The following PRKCA variants were observed in gnomAD, a reference collection of about 807,000 sequenced individuals.
The protein encoded by PRKCA is protein kinase C alpha, also known as protein kinase C alpha type.
A neutral mutation model predicts 87.0 loss-of-function variants in PRKCA; 27 were observed. The ratio of observed to expected loss-of-function variants is 0.31; its 90% CI spans 0.23 to 0.43. The LOEUF (loss-of-function observed/expected upper bound fraction) is 0.43, where lower values mean the gene tolerates loss of function less well. Among genes scored for constraint, PRKCA ranks in the 20% least tolerant of loss-of-function variants. The pLI is 1.00. For synonymous variants in PRKCA, 329 were observed against 311.1 expected, an observed-to-expected ratio of 1.06 and a Z score of -0.61; for missense variants, 518 against 852.3, an observed-to-expected ratio of 0.61 and a Z score of 4.88.
intron 8 of PRKCA, among the ~76,000 whole-genome samples, chr17:66,711,663 G>A (rs1018385879): frequency 1.3e-5 from 2 of 152,182 alleles, no homozygotes; most frequent in South Asian, 4.2e-4. Flanking sequence ...TTTTATGTTC[G>A]CATTAGATCA....
chr17:66,743,717 A>G (rs976543375), intron 13 of PRKCA, among the ~76,000 whole-genome samples: 23 of 152,194 alleles, frequency 1.5e-4, no homozygotes, highest in African/African-American at 5.3e-4. Flanking sequence ...GTGGAGACCA[A>G]TGGATCCAAA....
At chr17:66,471,266 T>C (rs1420764590) in intron 2 of PRKCA, among the ~76,000 whole-genome samples, 1 of 152,256 alleles carries the variant, frequency 6.6e-6, no homozygotes, top group Non-Finnish European at 1.5e-5. Flanking sequence ...TACTCTTGCA[T>C]ATCAAATATA....
At chr17:66,529,131 T>G (rs1275892095) in intron 3 of PRKCA, among the ~76,000 whole-genome samples, 1 of 152,230 alleles carries the variant, frequency 6.6e-6, no homozygotes, top group Non-Finnish European at 1.5e-5. Context: ...TTGGTGTCCT[T>G]GTAGTTAAGG....
chr17:66,461,205 CAAAAAAAAAAAAAA>C (rs34496253), intron 2 of PRKCA, among the ~76,000 whole-genome samples: 1 of 93,032 alleles, frequency 1.1e-5, no homozygotes, highest in Non-Finnish European at 2.3e-5. Context: ...GACCCCATCT[CAAAAAAAAAAAAAA>C]AAAAGAAAAG....
intron 2 of PRKCA, among the ~76,000 whole-genome samples, chr17:66,386,785 C>A (rs575630585): frequency 1.4e-5 from 2 of 147,046 alleles, no homozygotes; most frequent in South Asian, 4.4e-4. Context: ...AAACTTTTAA[C>A]CTCTAAAAGC....
At chr17:66,559,617 G>A (rs1454496848) in intron 3 of PRKCA, among the ~76,000 whole-genome samples, 1 of 150,470 alleles carries the variant, frequency 6.6e-6, no homozygotes, top group African/African-American at 2.5e-5. Context: ...TGTCCAATAA[G>A]GCAAATTTTT....
Position 66,649,139 on chromosome 17 carries a change from A to G in PRKCA, c.529+3628A>G, listed in dbSNP as rs533400548. ...AAAGAAAGAAAAAATAGGTACCCGC[A>G]TTAGTTACTAGGAATTTTTTTAAAG... On this transcript the variant is annotated intron_variant, in intron 5 of 16. Coordinates refer to ENST00000413366, the MANE Select transcript of PRKCA (RefSeq NM_002737.3). Among the ~76,000 whole-genome samples, 106 of 151,970 alleles carry G rather than the reference A, an allele frequency of 7.0e-4. 1 individual carries two copies. Among genetic ancestry groups the G allele is most frequent in the South Asian group, 2.1e-4 (1 of 4,814 alleles).
chr17:66,429,093 G>T (rs1033936519), intron 2 of PRKCA, among the ~76,000 whole-genome samples: 1 of 151,946 alleles, frequency 6.6e-6, no homozygotes, highest in Non-Finnish European at 1.5e-5. Flanking sequence ...ACGCTCTTCC[G>T]CCAGATCCAA....
At chr17:66,787,125 C>T (rs1460898314) in intron 15 of PRKCA, 151 bp downstream of exon 15, 10 of 786,540 alleles carry the variant, frequency 1.3e-5, no homozygotes, top group Non-Finnish European at 2.1e-5. Context: ...GTGTCATGCC[C>T]CAAGATAACC....
intron 2 of PRKCA, among the ~76,000 whole-genome samples, chr17:66,315,623 G>A (rs548511374): frequency 2.0e-5 from 3 of 152,218 alleles, no homozygotes; most frequent in Admixed American, 6.5e-5. Context: ...GGGATTACAG[G>A]CATGTGCCAT....
At chr17:66,409,033 C>CAAAAAAAAA (rs10661202) in intron 2 of PRKCA, among the ~76,000 whole-genome samples, 20 of 76,884 alleles carry the variant, frequency 2.6e-4, no homozygotes, top group East Asian at 4.0e-4. Flanking sequence ...TCCCCAGTCT[C>CAAAAAAAAA]AAAAAAAAAA....
intron 13 of PRKCA, among the ~76,000 whole-genome samples, chr17:66,756,990 T>C (rs1413690943): frequency 3.3e-5 from 5 of 152,022 alleles, no homozygotes; most frequent in Admixed American, 6.5e-5. Context: ...TAAACTATGA[T>C]TAATTTGCTA....
intron 13 of PRKCA, among the ~76,000 whole-genome samples, chr17:66,763,959 C>A (rs1222639013): frequency 6.6e-6 from 1 of 152,142 alleles, no homozygotes; most frequent in Non-Finnish European, 1.5e-5. Flanking sequence ...CAGCAGGACT[C>A]ATGTAAACTG....
At chr17:66,669,634 TCA>T (rs1298688998) in intron 5 of PRKCA, among the ~76,000 whole-genome samples, 1 of 152,158 alleles carries the variant, frequency 6.6e-6, no homozygotes, top group Non-Finnish European at 1.5e-5. Context: ...GTGCGGTGGC[TCA>T]CACCTGTAAT....
At chr17:66,687,037 G>C (rs1399075197) in intron 5 of PRKCA, 74 bp from the exon 6 acceptor site, 1 of 1,292,402 alleles carries the variant, frequency 7.7e-7, no homozygotes, top group African/African-American at 1.5e-5. Context: ...TATTCAGCTT[G>C]GTATTGACAC....
At chr17:66,596,683 A>C (rs1598803776) in intron 3 of PRKCA, among the ~76,000 whole-genome samples, 1 of 97,218 alleles carries the variant, frequency 1.0e-5, no homozygotes, top group African/African-American at 4.4e-5. Flanking sequence ...GCACCCACTA[A>C]CGTGTCATCT....
chr17:66,733,144 G>A (rs1488567079), intron 9 of PRKCA, among the ~76,000 whole-genome samples: 3 of 106,496 alleles, frequency 2.8e-5, no homozygotes, highest in Admixed American at 1.1e-4. Context: ...GTGAGACTCC[G>A]TCTCAAAAAA....
At chr17:66,607,194 C>G (rs1970233900) in intron 3 of PRKCA, among the ~76,000 whole-genome samples, 1 of 152,156 alleles carries the variant, frequency 6.6e-6, no homozygotes, top group Admixed American at 6.5e-5. Context: ...AATTAAAATA[C>G]TAATGAAGCA....
At chr17:66,680,833 A>T (rs1052314287) in intron 5 of PRKCA, among the ~76,000 whole-genome samples, 2 of 152,222 alleles carry the variant, frequency 1.3e-5, no homozygotes, top group African/African-American at 4.8e-5. Flanking sequence ...GGGTAGGTTC[A>T]GCAGTGTTGC....
Sources: allele counts gnomAD v4.1 joint callset (sites outside exome capture counted in the v4.1 genomes callset), GRCh38; gene constraint gnomAD v4.1.1; transcripts MANE v1.5; gene names NCBI Gene and HGNC (gene_info 2026-07-23, HGNC 2026-07-21).